DOCK3: variants seen among roughly 807,000 people sequenced by gnomAD.
The protein encoded by DOCK3 is dedicator of cytokinesis protein 3.
A neutral mutation model predicts 265.6 loss-of-function variants in DOCK3; 60 were observed. That is an observed-to-expected ratio of 0.23 (90% confidence interval 0.18 to 0.28). The LOEUF (loss-of-function observed/expected upper bound fraction) is 0.28. Among genes scored for constraint, DOCK3 ranks in the 10% least tolerant of loss-of-function variants. The probability of loss-of-function intolerance (pLI) is 1.00; values close to 1 mark genes in which losing one functional copy is unlikely to be tolerated. For missense variants in DOCK3, 1,981 were observed against 2,594.3 expected, an observed-to-expected ratio of 0.76 and a Z score of 5.14; for synonymous variants, 881 against 938.0, an observed-to-expected ratio of 0.94 and a Z score of 1.11.
intron 22 of DOCK3, among the ~76,000 whole-genome samples, chr3:51,247,239 G>C (rs1444284974): frequency 1.3e-5 from 2 of 152,238 alleles, no homozygotes; most frequent in South Asian, 2.1e-4. Flanking sequence ...TGGATGCACT[G>C]TATGTGGGTT....
intron 5 of DOCK3, among the ~76,000 whole-genome samples, chr3:51,017,720 T>A (rs900223528): frequency 2.6e-5 from 4 of 151,850 alleles, no homozygotes; most frequent in Non-Finnish European, 5.9e-5. Flanking sequence ...TTAGAGAGGA[T>A]ACTTGATGTT....
chr3:50,827,510 G>C (rs1490446846), intron 2 of DOCK3, among the ~76,000 whole-genome samples: 1 of 152,106 alleles, frequency 6.6e-6, no homozygotes, highest in Non-Finnish European at 1.5e-5. Context: ...CCTTTTCAAA[G>C]GCTTGACATC....
intron 7 of DOCK3, among the ~76,000 whole-genome samples, chr3:51,076,145 C>T (rs1268476230): frequency 1.3e-5 from 2 of 152,098 alleles, no homozygotes; most frequent in Non-Finnish European, 2.9e-5. Flanking sequence ...GTTGCCTGGA[C>T]AAGGACCTAA....
At chr3:51,101,822 T>C (rs1016859201) in intron 9 of DOCK3, among the ~76,000 whole-genome samples, 1 of 152,166 alleles carries the variant, frequency 6.6e-6, no homozygotes, top group Non-Finnish European at 1.5e-5. Flanking sequence ...TACTCCTGCC[T>C]CAAAGCCAGG....
intron 9 of DOCK3, among the ~76,000 whole-genome samples, chr3:51,121,643 A>C (rs1356868193): frequency 1.3e-5 from 2 of 152,186 alleles, no homozygotes. Context: ...ATTTATGTCC[A>C]GTGATTTGTA....
chr3:50,934,572 A>G (rs1369968033), intron 5 of DOCK3, among the ~76,000 whole-genome samples: 1 of 152,158 alleles, frequency 6.6e-6, no homozygotes, highest in East Asian at 1.9e-4. Flanking sequence ...CACACCTGTA[A>G]TCCCAGTGCT....
intron 52 of DOCK3, among the ~76,000 whole-genome samples, chr3:51,380,485 G>A (rs1559442838): frequency 6.6e-6 from 1 of 152,202 alleles, no homozygotes; most frequent in Non-Finnish European, 1.5e-5. Context: ...AAACCTGGGG[G>A]CTCTCAGCCA....
intron 40 of DOCK3, among the ~76,000 whole-genome samples, chr3:51,351,216 C>T (rs1001158661): frequency 3.3e-5 from 5 of 152,152 alleles, no homozygotes; most frequent in Non-Finnish European, 7.4e-5. Context: ...GCAGTTGAGA[C>T]CTAATTGCTA....
At chr3:51,031,402 T>C (rs2080041927) in intron 5 of DOCK3, among the ~76,000 whole-genome samples, 2 of 152,126 alleles carry the variant, frequency 1.3e-5, no homozygotes, top group African/African-American at 4.8e-5. Context: ...GGAAGCTGTC[T>C]CCTTATGTTT....
intron 31 of DOCK3, among the ~76,000 whole-genome samples, chr3:51,314,242 A>G (rs1237071492): frequency 2.6e-5 from 4 of 152,222 alleles, no homozygotes; most frequent in African/African-American, 4.8e-5. Flanking sequence ...TGGCACGCCA[A>G]TGAGAGGGAA....
chr3:50,952,439 A>G (rs1455096674), intron 5 of DOCK3, among the ~76,000 whole-genome samples: 1 of 152,222 alleles, frequency 6.6e-6, no homozygotes, highest in Non-Finnish European at 1.5e-5. Context: ...GGTATTTCAA[A>G]GAAAGTAAAT....
chr3:50,806,409 G>A (rs1196525026), intron 2 of DOCK3, among the ~76,000 whole-genome samples: 2 of 151,896 alleles, frequency 1.3e-5, no homozygotes, highest in Non-Finnish European at 2.9e-5. Flanking sequence ...GGACCTTTGG[G>A]TAGGCCAGGG....
intron 1 of DOCK3, among the ~76,000 whole-genome samples, chr3:50,749,012 TCCTG>T (rs1032581655): frequency 1.1e-4 from 16 of 152,084 alleles, no homozygotes; most frequent in Admixed American, 3.3e-4. Context: ...TGATGATACT[TCCTG>T]CCTGCCTGCC....
chr3:51,133,061 T>C (rs1342916111), intron 9 of DOCK3, among the ~76,000 whole-genome samples: 1 of 152,160 alleles, frequency 6.6e-6, no homozygotes. Context: ...CCTTGTTTAC[T>C]TATAGAGCTG....
chr3:51,165,750 C>T (rs949416296), intron 12 of DOCK3, among the ~76,000 whole-genome samples: 1 of 152,114 alleles, frequency 6.6e-6, no homozygotes, highest in Non-Finnish European at 1.5e-5. Context: ...CTAGGCTTGT[C>T]CATGTTGTCA....
At chr3:50,807,771 C>A (rs1324565372) in intron 2 of DOCK3, among the ~76,000 whole-genome samples, 1 of 152,154 alleles carries the variant, frequency 6.6e-6, no homozygotes, top group Non-Finnish European at 1.5e-5. Context: ...TCGATAGATA[C>A]AAAGTCTTGC....
At chr3:50,821,093 GT>G (rs777189845) in intron 2 of DOCK3, among the ~76,000 whole-genome samples, 5 of 140,064 alleles carry the variant, frequency 3.6e-5, no homozygotes, top group Non-Finnish European at 6.3e-5. Context: ...CATTCTGTAT[GT>G]TGTCTGTTTA....
chr3:50,735,092 T>G (rs1290952432), intron 1 of DOCK3, among the ~76,000 whole-genome samples: 1 of 152,214 alleles, frequency 6.6e-6, no homozygotes, highest in South Asian at 2.1e-4. Flanking sequence ...TAATACTCTT[T>G]GCTGTCAGTT....
At chr3:50,981,111 C>G (rs1369351126) in intron 5 of DOCK3, among the ~76,000 whole-genome samples, 1 of 152,174 alleles carries the variant, frequency 6.6e-6, no homozygotes, top group African/African-American at 2.4e-5. Flanking sequence ...TCCCTCTTAG[C>G]ACAGCTTTTG....
Sources: gnomAD v4.1 joint callset for allele counts (sites outside exome capture counted in the v4.1 genomes callset) on GRCh38, gnomAD v4.1.1 for gene constraint, MANE v1.5 for transcripts, NCBI Gene and HGNC (gene_info 2026-07-23, HGNC 2026-07-21) for gene names.